The following OSBPL9 variants were observed in gnomAD, a reference collection of about 807,000 sequenced individuals.
OSBPL9 encodes the protein oxysterol-binding protein-related protein 9.
Under a neutral mutation model 106.6 loss-of-function variants are expected in OSBPL9, and 40 were observed. That is an observed-to-expected ratio of 0.38 (90% confidence interval 0.29 to 0.49). OSBPL9 has a LOEUF of 0.49. Ranked by LOEUF, OSBPL9 falls within the 20% of genes least tolerant of loss-of-function variation. The pLI is 0.97. For synonymous variants in OSBPL9, 269 were observed against 295.4 expected, an observed-to-expected ratio of 0.91 and a Z score of 0.92; for missense variants, 609 against 887.2, an observed-to-expected ratio of 0.69 and a Z score of 3.98.
chr1:51,521,052 G>A, the OSBPL9 span, among the ~76,000 whole-genome samples: 2 of 152,174 alleles, frequency 1.3e-5, no homozygotes, highest in East Asian at 1.9e-4. Flanking sequence ...GGAAGTAATC[G>A]TCATACTCAC....
chr1:51,556,397 C>T, the OSBPL9 span, among the ~76,000 whole-genome samples: 2 of 152,066 alleles, frequency 1.3e-5, no homozygotes, highest in Non-Finnish European at 2.9e-5. Flanking sequence ...CCATGTCCCT[C>T]CCTAGGCTTT....
chr1:51,770,071 A>G (rs1207514529), intron 12 of OSBPL9, among the ~76,000 whole-genome samples: 1 of 152,126 alleles, frequency 6.6e-6, no homozygotes, highest in African/African-American at 2.4e-5. Flanking sequence ...CATGGGCTCA[A>G]GTGATCCTCC....
Position 51,788,213 on chromosome 1 carries a change from TATAA to T in OSBPL9, c.*428_*431del, listed in dbSNP as rs1678171685. On this transcript the variant is annotated 3_prime_UTR_variant, in exon 24 of 24. Transcript: ENST00000428468. ...ATACGTATACACACACATACATATA[TATAA>T]ATATACCTGATGCCAGATTTTTTTC... is the stretch of plus-strand genomic sequence containing the variant. 1 of 156,380 alleles carries T rather than the reference TATAA, an allele frequency of 6.4e-6. No individual in the cohort carries two copies. Among genetic ancestry groups the T allele is most frequent in the Non-Finnish European group, 1.4e-5 (1 of 70,750 alleles). 9.7% of individuals were successfully genotyped at this position (156,380 alleles called of 1,614,324 possible). A position where few individuals can be genotyped will look rare whatever the true frequency, so the allele number is the denominator to read the frequency against.
chr1:51,788,909 TTTAG>T lies in OSBPL9; in HGVS notation c.*1128_*1131del, dbSNP rs67226699. On this transcript the variant is annotated 3_prime_UTR_variant, in exon 24 of 24. Transcript: ENST00000428468. ...AAAAAACAGGTATTAGTACCTAGCA[TTTAG>T]TTAGTTATTCAATATACTGGTTACG... Among the ~76,000 whole-genome samples, 35,261 of 151,842 alleles carry T rather than the reference TTTAG, an allele frequency of 0.23. 5,529 individuals are homozygous for T. The highest frequency in any genetic ancestry group is 0.44 in the African/African-American group (18,055 of 41,252).
chr1:51,570,194 C>T, the OSBPL9 span, among the ~76,000 whole-genome samples: 1 of 152,240 alleles, frequency 6.6e-6, no homozygotes, highest in African/African-American at 2.4e-5. Flanking sequence ...TTCTGGACAT[C>T]TTTCTACCAT....
At chr1:51,519,241 A>G in the OSBPL9 span, 1 of 1,311,850 alleles carries the variant, frequency 7.6e-7, no homozygotes, top group Non-Finnish European at 9.9e-7. Context: ...TGGTGTTTCC[A>G]TCATGCAAGG....
intron 1 of OSBPL9, among the ~76,000 whole-genome samples, chr1:51,645,461 G>A (rs991367076): frequency 6.6e-6 from 1 of 151,198 alleles, no homozygotes; most frequent in African/African-American, 2.4e-5. Context: ...CACTTTCTTG[G>A]TAGTGTTTTT....
intron 8 of OSBPL9, among the ~76,000 whole-genome samples, chr1:51,755,865 C>T (rs1670227479): frequency 6.6e-6 from 1 of 152,182 alleles, no homozygotes; most frequent in South Asian, 2.1e-4. Flanking sequence ...TACTCTTCAC[C>T]CCATCCAGCC....
chr1:51,785,775 G>C (rs1334581655), intron 20 of OSBPL9, 33 bp from the exon 21 acceptor site: 8 of 1,592,952 alleles, frequency 5.0e-6, no homozygotes, highest in Non-Finnish European at 6.9e-6. Context: ...TTTTCAACTT[G>C]AGACTAACAC....
In OSBPL9 at chr1:51,784,091, G is replaced by A. The variant is rs1046766975; in HGVS notation, c.1624+66G>A. On this transcript the variant is annotated intron_variant, in intron 18 of 23. Coordinates refer to ENST00000428468, the MANE Select transcript of OSBPL9 (RefSeq NM_024586.6). ...GAATTTTATGAAAATGGCTAGACTA[G>A]ATGTCATTGTTAGCAACTAAGCATT... The A allele has an allele frequency of 1.4e-5, 20 of 1,469,062 alleles. No individual in the cohort carries two copies. The East Asian group carries it at 2.5e-4, about 18-fold the overall frequency. The allele number at this position is 1,469,062 out of a possible 1,614,324, so 91.0% of individuals were successfully genotyped here. A position where few individuals can be genotyped will look rare whatever the true frequency, so the allele number is the denominator to read the frequency against.
rs531752907 is a variant in OSBPL9, at chr1:51,610,908, T to C, written c.-352-3397T>C. On this transcript the variant is annotated intron_variant, in intron 2 of 25. Transcript: ENST00000371714. The stretch of plus-strand genomic sequence containing the variant: ...CCCAAGAGATAGGAGAACCAGGCAC[T>C]CAATGAGTAGATGCAATAGGTTGTC... Among the ~76,000 whole-genome samples the C allele has an allele frequency of 2.0e-5, 3 of 152,298 alleles. No individual in the cohort carries two copies. The East Asian group carries it at 5.8e-4, about 29-fold the overall frequency.
At chr1:51,675,014 T>C (rs953166616) in intron 3 of OSBPL9, among the ~76,000 whole-genome samples, 1 of 152,234 alleles carries the variant, frequency 6.6e-6, no homozygotes, top group African/African-American at 2.4e-5. Flanking sequence ...GGCAGCAGAT[T>C]GGACAAGCTT....
At chr1:51,525,601 G>A in the OSBPL9 span, among the ~76,000 whole-genome samples, 7 of 151,898 alleles carry the variant, frequency 4.6e-5, no homozygotes, top group African/African-American at 9.7e-5. Context: ...AAGTTCTGTC[G>A]GCTCGATCTC....
intron 15 of OSBPL9, among the ~76,000 whole-genome samples, chr1:51,778,160 A>C (rs1675506114): frequency 6.6e-6 from 1 of 152,176 alleles, no homozygotes; most frequent in South Asian, 2.1e-4. Flanking sequence ...TGTCTTAAAA[A>C]AAATAAAAGT....
upstream of OSBPL9, among the ~76,000 whole-genome samples, chr1:51,572,631 C>T (rs991946479): frequency 1.3e-5 from 2 of 152,104 alleles, no homozygotes. Context: ...ACAGTCAGAT[C>T]CAGAATCAGA....
At chr1:51,712,271 G>A (rs1352253570) in intron 3 of OSBPL9, among the ~76,000 whole-genome samples, 3 of 152,240 alleles carry the variant, frequency 2.0e-5, no homozygotes, top group South Asian at 2.1e-4. Flanking sequence ...GCGTGGCGGC[G>A]CGCGCCTGCA....
chr1:51,714,137 C>A, intron 4 of OSBPL9, 58 bp downstream of exon 4: 1 of 1,270,600 alleles, frequency 7.9e-7, no homozygotes, highest in South Asian at 1.5e-5. Flanking sequence ...CTTTTTTTGT[C>A]TGTTTTCTGT....
chr1:51,542,824 T>C, the OSBPL9 span, among the ~76,000 whole-genome samples: 1 of 152,238 alleles, frequency 6.6e-6, no homozygotes, highest in East Asian at 1.9e-4. Context: ...TCCCTTTTCA[T>C]GATCAGCTTG....
the OSBPL9 span, among the ~76,000 whole-genome samples, chr1:51,564,068 A>AAAAAAAAAAAAT: frequency 6.7e-6 from 1 of 148,666 alleles, no homozygotes; most frequent in African/African-American, 2.5e-5. Flanking sequence ...AAAAAAAAAA[A>AAAAAAAAAAAAT]AAGAAAGCAA....
Sources: allele counts gnomAD v4.1 joint callset (sites outside exome capture counted in the v4.1 genomes callset), GRCh38; gene constraint gnomAD v4.1.1; transcripts MANE v1.5; gene names NCBI Gene and HGNC (gene_info 2026-07-23, HGNC 2026-07-21).